The following CCSER1 variants were observed in gnomAD, a reference collection of about 807,000 sequenced individuals.
CCSER1 encodes the protein coiled-coil serine rich protein 1, also known as serine-rich coiled-coil domain-containing protein 1.
A neutral mutation model predicts 82.0 loss-of-function variants in CCSER1; 41 were observed. That is an observed-to-expected ratio of 0.50 (90% CI 0.39 to 0.65). The LOEUF is 0.65. CCSER1 is among the 30% of genes least tolerant of loss of function. The pLI is 0.00. For synonymous variants in CCSER1, 414 were observed against 383.9 expected (o/e 1.08, Z -0.92); for missense variants, 1,119 against 1,064.2 (o/e 1.05, Z -0.72).
intron 10 of CCSER1, among the ~76,000 whole-genome samples, chr4:91,303,465 T>G (rs1350499340): frequency 6.6e-6 from 1 of 151,932 alleles, no homozygotes; most frequent in Admixed American, 6.6e-5. Context: ...TAGTAATGAA[T>G]CAATGTTGGT....
At chr4:90,436,095 C>G (rs983427338) in intron 4 of CCSER1, among the ~76,000 whole-genome samples, 2 of 151,876 alleles carry the variant, frequency 1.3e-5, no homozygotes, top group African/African-American at 2.4e-5. Context: ...TATAAGATAG[C>G]TTGACACAGA....
At chr4:90,978,726 T>A (rs1735833612) in intron 9 of CCSER1, among the ~76,000 whole-genome samples, 1 of 151,826 alleles carries the variant, frequency 6.6e-6, no homozygotes, top group Non-Finnish European at 1.5e-5. Context: ...GGTTAGATGA[T>A]GTTCCTTGGA....
At chr4:90,807,440 A>C (rs1757665471) in intron 7 of CCSER1, among the ~76,000 whole-genome samples, 1 of 152,154 alleles carries the variant, frequency 6.6e-6, no homozygotes, top group Non-Finnish European at 1.5e-5. Context: ...GGTTGTCAGC[A>C]AATGAAAAGA....
chr4:91,388,716 T>C (rs1751463514), intron 10 of CCSER1, among the ~76,000 whole-genome samples: 1 of 152,086 alleles, frequency 6.6e-6, no homozygotes, highest in Non-Finnish European at 1.5e-5. Flanking sequence ...CTTCCTAACC[T>C]ACATATCAAT....
intron 4 of CCSER1, among the ~76,000 whole-genome samples, chr4:90,453,148 G>A (rs1237257857): frequency 6.6e-6 from 1 of 152,214 alleles, no homozygotes; most frequent in African/African-American, 2.4e-5. Flanking sequence ...CAGGTTAACT[G>A]GGTGGCCTAG....
chr4:90,196,172 TG>T (rs1288791756), intron 1 of CCSER1, among the ~76,000 whole-genome samples: 1 of 151,110 alleles, frequency 6.6e-6, no homozygotes, highest in East Asian at 2.0e-4. Context: ...GGAAGTCTAA[TG>T]GATGCTTTTG....
At chr4:90,731,642 T>TA (rs1725407818) in intron 7 of CCSER1, among the ~76,000 whole-genome samples, 1 of 152,184 alleles carries the variant, frequency 6.6e-6, no homozygotes, top group Non-Finnish European at 1.5e-5. Context: ...ATGTATTTTA[T>TA]AAAAATCATT....
chr4:91,287,211 G>A (rs1190795910), intron 10 of CCSER1, among the ~76,000 whole-genome samples: 1 of 151,688 alleles, frequency 6.6e-6, no homozygotes. Flanking sequence ...AAAAAAGTCA[G>A]GAAAACAATG....
At chr4:90,506,511 C>A (rs182941913) in intron 5 of CCSER1, among the ~76,000 whole-genome samples, 1 of 152,136 alleles carries the variant, frequency 6.6e-6, no homozygotes, top group Non-Finnish European at 1.5e-5. Flanking sequence ...GCCTGTAATC[C>A]TAGTGCTTTG....
intron 10 of CCSER1, among the ~76,000 whole-genome samples, chr4:91,193,289 G>A (rs1735151509): frequency 6.6e-6 from 1 of 152,024 alleles, no homozygotes; most frequent in Non-Finnish European, 1.5e-5. Flanking sequence ...TGGTTCCATG[G>A]TAACTAAATT....
At chr4:90,158,447 T>G (rs1425093480) in intron 1 of CCSER1, among the ~76,000 whole-genome samples, 5 of 152,334 alleles carry the variant, frequency 3.3e-5, no homozygotes, top group South Asian at 2.1e-4. Flanking sequence ...AGGTTACTGC[T>G]GTCTTTTTGT....
chr4:90,292,845 C>T (rs1019977172), intron 1 of CCSER1, among the ~76,000 whole-genome samples: 7 of 151,816 alleles, frequency 4.6e-5, no homozygotes, highest in African/African-American at 1.7e-4. Flanking sequence ...TGTCAGGTAT[C>T]TGTATTACTG....
At chr4:91,168,140 C>T (rs1415080168) in intron 10 of CCSER1, among the ~76,000 whole-genome samples, 6 of 151,114 alleles carry the variant, frequency 4.0e-5, no homozygotes, top group Non-Finnish European at 8.8e-5. Flanking sequence ...TGCCCGGCCG[C>T]CCCATCTGGG....
intron 9 of CCSER1, among the ~76,000 whole-genome samples, chr4:91,057,149 C>CTCCT (rs2148724417): frequency 6.6e-6 from 1 of 152,278 alleles, no homozygotes; most frequent in Admixed American, 6.5e-5. Flanking sequence ...CCCACCCTGG[C>CTCCT]TCCTGTAAGC....
chr4:90,308,520 A>T lies in CCSER1; in HGVS notation c.236A>T (p.Lys79Met). The T allele has an allele frequency of 1.4e-5, 22 of 1,613,966 alleles. No homozygotes were observed. The highest frequency in any genetic ancestry group is 1.9e-5 in the Non-Finnish European group (22 of 1,179,862). ...CACCATAAGAAGGGGAGTGAGCCTA[A>T]GCAAGAGCCTACCAACCAGAACCTT... is the stretch of plus-strand genomic sequence containing the variant. The part of the protein sequence containing the change: ...SFHHKKGSEP[K>M]QEPTNQNLSI... The change falls in exon 2 of 11, where the codon AAG becomes ATG. Residue 79 changes from lysine to methionine, a missense_variant. Physicochemically the swap from Lys to Met is moderately conservative, Grantham distance 95. Coordinates refer to ENST00000509176, the MANE Select transcript of CCSER1 (RefSeq NM_001145065.2).
intron 10 of CCSER1, among the ~76,000 whole-genome samples, chr4:91,160,337 A>G (rs1032572002): frequency 1.3e-5 from 2 of 152,182 alleles, no homozygotes; most frequent in African/African-American, 2.4e-5. Context: ...GCTATTGTGA[A>G]TAGTGCCACA....
At chr4:90,414,374 A>C (rs960888439) in intron 4 of CCSER1, among the ~76,000 whole-genome samples, 1 of 151,932 alleles carries the variant, frequency 6.6e-6, no homozygotes, top group Non-Finnish European at 1.5e-5. Context: ...GTGAAATAAT[A>C]CACATTATGT....
intron 8 of CCSER1, among the ~76,000 whole-genome samples, chr4:90,893,176 G>A (rs1723196910): frequency 6.6e-6 from 1 of 152,006 alleles, no homozygotes; most frequent in South Asian, 2.1e-4. Flanking sequence ...TTAGGGCATA[G>A]GACATGGGCT....
intron 10 of CCSER1, among the ~76,000 whole-genome samples, chr4:91,288,900 A>T (rs1465920035): frequency 6.6e-6 from 1 of 152,026 alleles, no homozygotes; most frequent in African/African-American, 2.4e-5. Flanking sequence ...CTGCTTTAAG[A>T]CTTAGAGTTG....
Sources: gnomAD v4.1 joint callset for allele counts (sites outside exome capture counted in the v4.1 genomes callset) on GRCh38, gnomAD v4.1.1 for gene constraint, MANE v1.5 for transcripts, NCBI Gene and HGNC (gene_info 2026-07-23, HGNC 2026-07-21) for gene names.